Variants in MRPL20 observed in about 807,000 individuals in gnomAD.
The protein encoded by MRPL20 is mitochondrial ribosomal protein L20, also known as large ribosomal subunit protein bL20m.
In MRPL20, 21 loss-of-function variants were observed where a neutral mutation model predicts 20.0. The observed-to-expected ratio is 1.05, with a 90% CI of 0.74 to 1.51. The LOEUF is 1.51. Among genes scored for constraint, MRPL20 ranks in the 40% most tolerant of loss-of-function variants. MRPL20 has a pLI of 0.00. For missense variants in MRPL20, 252 were observed against 185.6 expected, an observed-to-expected ratio of 1.36 and a Z score of -2.08; for synonymous variants, 104 against 73.0, an observed-to-expected ratio of 1.43 and a Z score of -2.17.
At chr1:1,404,273 C>T (rs986637305) in intron 3 of MRPL20, among the ~76,000 whole-genome samples, 1 of 151,848 alleles carries the variant, frequency 6.6e-6, no homozygotes, top group Non-Finnish European at 1.5e-5. Flanking sequence ...CCTGCCTCAG[C>T]CTCCCGAGTA....
At chr1:1,402,614 C>G (rs879670778) in intron 3 of MRPL20, 9 of 1,020,596 alleles carry the variant, frequency 8.8e-6, no homozygotes, top group Non-Finnish European at 9.4e-6. Context: ...GCAAGAACCA[C>G]AGAGGATTTC....
In MRPL20 at chr1:1,402,157, C is replaced by G; in HGVS notation, c.376G>C (p.Glu126Gln). 2 of 1,614,148 alleles carry G rather than the reference C, an allele frequency of 1.2e-6. No individual in the cohort carries two copies. Among genetic ancestry groups the G allele is most frequent in the South Asian group, 2.2e-5 (2 of 91,086 alleles). Residue 126 changes from glutamate to glutamine, a missense_variant, in exon 4 of 4, where the codon GAA (glutamate) becomes CAA (glutamine). By Grantham distance (29) the Glu-to-Gln change is conservative (BLOSUM62 2). Transcript: ENST00000344843. The stretch of plus-strand genomic sequence containing the variant: ...TCCCCCAAGGCAGCAGCAAATCCTT[C>G]GTGTCGCCTCCTACTGGCCAAGGCA... The part of the protein sequence containing the change: ...LAALASRRRH[E>Q]GFAAALGDGK...
chr1:1,405,607 T>C (rs1027201205), intron 3 of MRPL20: 4 of 925,766 alleles, frequency 4.3e-6, no homozygotes, highest in Non-Finnish European at 6.8e-6. Context: ...GGTCCCTTGC[T>C]CCCAAGAGGT....
chr1:1,406,454 G>C, intron 2 of MRPL20: 1 of 201,986 alleles, frequency 5.0e-6, no homozygotes. Context: ...GAGTGGAGGC[G>C]CCAGCCTCCC....
At chr1:1,405,926 TG>T in intron 2 of MRPL20, 40 bp from the exon 3 acceptor site, 2 of 1,589,130 alleles carry the variant, frequency 1.3e-6, no homozygotes, top group Non-Finnish European at 8.6e-7. Context: ...AAATGACTTC[TG>T]GATGTTATGT....
At chr1:1,405,653 A>G (rs777588328) in intron 3 of MRPL20, 156 bp downstream of exon 3, 1 of 1,324,150 alleles carries the variant, frequency 7.6e-7, no homozygotes, top group South Asian at 1.2e-5. Flanking sequence ...TGGACACCCC[A>G]TCAGCATAGC....
At chr1:1,403,746 C>T (rs1294435723) in intron 3 of MRPL20, among the ~76,000 whole-genome samples, 1 of 152,180 alleles carries the variant, frequency 6.6e-6, no homozygotes, top group East Asian at 1.9e-4. Flanking sequence ...GATTTTGCTA[C>T]ACTTGCATAA....
chr1:1,401,913 G>A lies in MRPL20; in HGVS notation c.*170C>T. On this transcript the variant is annotated 3_prime_UTR_variant, in exon 4 of 4. Coordinates refer to ENST00000344843, the MANE Select transcript of MRPL20 (RefSeq NM_017971.4). ...CCAGAAAATGACTCTAAAAACTGAA[G>A]AGTGTTTGAGTTTCATTCACACAAA... The A allele has an allele frequency of 1.3e-6, 1 of 767,586 alleles. No individual in the cohort carries two copies. 47.5% of individuals were successfully genotyped at this position (767,586 alleles called of 1,614,324 possible). A position where few individuals can be genotyped will look rare whatever the true frequency, so the allele number is the denominator to read the frequency against.
chr1:1,402,018 A>C lies in MRPL20; in HGVS notation c.*65T>G, dbSNP rs1016866904. 2.0e-6 allele frequency: 3 copies of C among 1,538,078 alleles called. No homozygotes were observed. The highest frequency in any genetic ancestry group is 3.9e-5 in the Admixed American group (2 of 51,570). On this transcript the variant is annotated 3_prime_UTR_variant, in exon 4 of 4. Transcript: ENST00000344843. ...TCTGTTATTGGGTTGTAGATAAACA[A>C]AAGTATAAATCAAACAAACTGCAAA...
chr1:1,406,477 G>T (rs555575908), intron 2 of MRPL20: 1 of 205,956 alleles, frequency 4.9e-6, no homozygotes, highest in Non-Finnish European at 1.0e-5. Flanking sequence ...AAATGCGGGG[G>T]GTTCCGGGTG....
At chr1:1,405,586 G>GTTT (rs1645375681) in intron 3 of MRPL20, 1 of 770,340 alleles carries the variant, frequency 1.3e-6, no homozygotes, top group Non-Finnish European at 2.2e-6. Context: ...CCCCTCCTTA[G>GTTT]GCAACGTGGT....
In MRPL20 at chr1:1,407,237, C is replaced by T; in HGVS notation, c.-20G>A. ...GACCATGGCGCCTGCAGGCCGGCGT[C>T]CCGAACACTCAACAACGCACGCGCA... On this transcript the variant is annotated 5_prime_UTR_variant, in exon 1 of 4. Transcript: ENST00000344843. 1 of 1,575,656 alleles carries T rather than the reference C, an allele frequency of 6.3e-7. No homozygotes were observed. The highest frequency in any genetic ancestry group is 1.7e-4 in the Middle Eastern group (1 of 5,774).
chr1:1,405,647 C>T, intron 3 of MRPL20, 162 bp downstream of exon 3: 1 of 1,247,594 alleles, frequency 8.0e-7, no homozygotes, highest in Non-Finnish European at 1.2e-6. Flanking sequence ...TTAACATGGA[C>T]ACCCCATCAG....
chr1:1,402,780 C>T (rs905939527), intron 3 of MRPL20, among the ~76,000 whole-genome samples: 8 of 151,992 alleles, frequency 5.3e-5, no homozygotes, highest in East Asian at 3.9e-4. Context: ...GTCGGAAGTT[C>T]GAGACTAGTC....
rs752323768 is a variant in MRPL20 at position 1,402,060 on chromosome 1, C to T, written c.*23G>A. On this transcript the variant is annotated 3_prime_UTR_variant, in exon 4 of 4. Coordinates refer to ENST00000344843, the MANE Select transcript of MRPL20 (RefSeq NM_017971.4). ...AACTGCAAATTACTCTGTCTCTTTT[C>T]CTAATCAATACAGCAACAGTCCTCA... 3 of 1,588,166 alleles carry T rather than the reference C, an allele frequency of 1.9e-6. No individual in the cohort carries two copies. Among genetic ancestry groups the T allele is most frequent in the South Asian group, 2.3e-5 (2 of 87,594 alleles).
At chr1:1,406,847 C>G (rs957629513) in intron 2 of MRPL20, 62 bp downstream of exon 2, 1 of 1,443,360 alleles carries the variant, frequency 6.9e-7, no homozygotes, top group Non-Finnish European at 9.7e-7. Context: ...AGCTGGGTCG[C>G]GGCGCAGAAA....
At chr1:1,403,264 AAC>A (rs758479839) in intron 3 of MRPL20, among the ~76,000 whole-genome samples, 39 of 151,488 alleles carry the variant, frequency 2.6e-4, no homozygotes, top group South Asian at 6.2e-4. Flanking sequence ...TTTTTTTTGA[AAC>A]AGAGTCTCAC....
chr1:1,402,289 G>C, intron 3 of MRPL20, 33 bp from the exon 4 acceptor site: 5 of 1,587,380 alleles, frequency 3.1e-6, no homozygotes, highest in Non-Finnish European at 4.3e-6. Context: ...CCTGCTGTCA[G>C]TGTGAGACAC....
intron 1 of MRPL20, 38 bp from the exon 2 acceptor site, chr1:1,407,057 G>A (rs775177108): frequency 6.2e-7 from 1 of 1,609,598 alleles, no homozygotes; most frequent in Admixed American, 1.7e-5. Context: ...TGTCAGCGGG[G>A]CCCGCGCCGG....
Sources: allele counts gnomAD v4.1 joint callset (sites outside exome capture counted in the v4.1 genomes callset), GRCh38; gene constraint gnomAD v4.1.1; transcripts MANE v1.5; gene names NCBI Gene and HGNC (gene_info 2026-07-23, HGNC 2026-07-21).